The following SPTB variants were observed in gnomAD, a reference collection of about 807,000 sequenced individuals.
SPTB encodes spectrin beta, erythrocytic.
Under a neutral mutation model 256.2 loss-of-function variants are expected in SPTB, and 45 were observed. That is an observed-to-expected ratio of 0.18 (90% CI 0.14 to 0.23). The LOEUF (loss-of-function observed/expected upper bound fraction) is 0.23, where lower values mean the gene tolerates loss of function less well. Among genes scored for constraint, SPTB ranks in the 10% least tolerant of loss-of-function variants. The probability of loss-of-function intolerance (pLI) is 1.00; values close to 1 mark genes in which losing one functional copy is unlikely to be tolerated. For missense variants in SPTB, 2,715 were observed against 3,040.4 expected (o/e 0.89, Z 2.52); for synonymous variants, 1,231 against 1,243.1 (o/e 0.99, Z 0.21).
At position 64,804,791 on chromosome 14, in the gene SPTB, G is replaced by A. The variant is rs192503276; in HGVS notation, c.300+148C>T. 3.2e-4 allele frequency: 335 copies of A among 1,046,412 alleles called. 1 individual carries two copies. In the African/African-American group the frequency reaches 4.6e-3, roughly 14 times the overall value. The allele number at this position is 1,046,412 out of a possible 1,614,324, so 64.8% of individuals were successfully genotyped here. A position where few individuals can be genotyped will look rare whatever the true frequency, so the allele number is the denominator to read the frequency against. ...ATTCAGAGAGACCAGTCAGCCACAC[G>A]GATGCTTCCCATTCTAAGTATTAGA... On this transcript the variant is annotated intron_variant, in intron 3 of 35. Transcript: ENST00000644917.
rs961724944 is a variant in SPTB at position 64,827,873 on chromosome 14, G to T, written c.-51-4728C>A. Among the ~76,000 whole-genome samples the T allele has an allele frequency of 2.0e-5, 3 of 152,188 alleles. No individual in the cohort carries two copies. Among genetic ancestry groups the T allele is most frequent in the African/African-American group, 7.2e-5 (3 of 41,434 alleles). ...TGGGGCTACCAGGACAGCAGAACCA[G>T]GGAGTTTCAGTACCATGGGGTAACG... On this transcript the variant is annotated intron_variant, in intron 1 of 35. Coordinates refer to ENST00000644917, the MANE Select transcript of SPTB (RefSeq NM_001355436.2). The surrounding 1 kb of genome is among the most constrained non-coding windows in gnomAD (Gnocchi z 4.6).
intron 2 of SPTB, among the ~76,000 whole-genome samples, chr14:64,808,210 C>A (rs2083021279): frequency 6.6e-6 from 1 of 152,188 alleles, no homozygotes; most frequent in Non-Finnish European, 1.5e-5. Context: ...GACGGGGTTT[C>A]ACCATGTTGG....
rs544875952 is a variant in SPTB at position 64,753,875 on chromosome 14, G to A, written c.6346-82C>T. On this transcript the variant is annotated intron_variant, in intron 32 of 35. Transcript: ENST00000644917. ...TGTTCTCAGCAAAATTGGGAGGTCAGCAGCCACCCTCTCCACACCCCCAAG... is the reference window on the plus strand; with the variant it reads ...TGTTCTCAGCAAAATTGGGAGGTCAACAGCCACCCTCTCCACACCCCCAAG... 1,228 of 1,568,922 alleles carry A rather than the reference G, an allele frequency of 7.8e-4. 1 individual carries two copies. The highest frequency in any genetic ancestry group is 1.0e-3 in the Non-Finnish European group (1,153 of 1,155,918).
chr14:64,838,872 A>G (rs1306553347), intron 1 of SPTB, among the ~76,000 whole-genome samples: 1 of 152,144 alleles, frequency 6.6e-6, no homozygotes, highest in Non-Finnish European at 1.5e-5. Context: ...GGTGACTCAC[A>G]TCTGTAATCT....
chr14:64,869,391 TCTAA>T (rs1882385766), intron 1 of SPTB, among the ~76,000 whole-genome samples: 1 of 152,182 alleles, frequency 6.6e-6, no homozygotes, highest in Admixed American at 6.5e-5. Context: ...AGCTCCACAC[TCTAA>T]CCAACTGAGC....
Position 64,786,285 on chromosome 14 carries a change from A to C in SPTB, c.3561+119T>G. On this transcript the variant is annotated intron_variant, in intron 16 of 35. Transcript: ENST00000644917. This position sits in a 1 kb window ranked among gnomAD's most constrained non-coding sequence, Gnocchi z 5.6. Reference sequence around the variant, plus strand: ...GAAACAAAGATTTCCCCCATGAGTGAATACAGAGTACAAGACAAGAGTAAT... The same window carrying C: ...GAAACAAAGATTTCCCCCATGAGTGCATACAGAGTACAAGACAAGAGTAAT... The C allele has an allele frequency of 7.3e-7, 1 of 1,371,764 alleles. No homozygotes were observed. Among genetic ancestry groups the C allele is most frequent in the Non-Finnish European group, 1.0e-6 (1 of 971,100 alleles). 85.0% of individuals were successfully genotyped at this position (1,371,764 alleles called of 1,614,324 possible).
At chr14:64,819,670 CTCAGAACTTCCAAG>C (rs1235329378) in intron 2 of SPTB, among the ~76,000 whole-genome samples, 1 of 152,134 alleles carries the variant, frequency 6.6e-6, no homozygotes, top group African/African-American at 2.4e-5. Context: ...TTCCTTCCAA[CTCAGAACTTCCAAG>C]GCAAAGGAGG....
At chr14:64,804,368 T>G (rs2082943641) in intron 3 of SPTB, among the ~76,000 whole-genome samples, 1 of 152,224 alleles carries the variant, frequency 6.6e-6, no homozygotes, top group South Asian at 2.1e-4. Flanking sequence ...CTTCATCAGG[T>G]ACAGGTATCA....
chr14:64,769,907 C>T (rs1448780913), intron 27 of SPTB, among the ~76,000 whole-genome samples, 179 bp from the exon 28 acceptor site: 1 of 152,226 alleles, frequency 6.6e-6, no homozygotes, highest in Non-Finnish European at 1.5e-5. Flanking sequence ...CACAGATGCC[C>T]TGGTATCTTC....
intron 27 of SPTB, among the ~76,000 whole-genome samples, chr14:64,769,966 G>A (rs2139490811): frequency 6.6e-6 from 1 of 152,346 alleles, no homozygotes; most frequent in African/African-American, 2.4e-5. Flanking sequence ...AATCCCCAAA[G>A]AAGCCTGGGA....
chr14:64,846,714 T>TGA (rs2083699310), intron 1 of SPTB, among the ~76,000 whole-genome samples: 2 of 152,228 alleles, frequency 1.3e-5, no homozygotes, highest in African/African-American at 4.8e-5. Flanking sequence ...ACTGAGTATA[T>TGA]TCAGGTACTG....
In SPTB at chr14:64,790,924, G is replaced by C. The variant is rs1008484158; in HGVS notation, c.2804+795C>G. 6.6e-5 allele frequency among the ~76,000 whole-genome samples: 10 copies of C among 152,140 alleles called. No homozygotes were observed. The highest frequency in any genetic ancestry group is 6.5e-4 in the Admixed American group (10 of 15,276). On this transcript the variant is annotated intron_variant, in intron 15 of 35. Transcript: ENST00000644917. This position sits in a 1 kb window ranked among gnomAD's most constrained non-coding sequence, Gnocchi z 4.8. ...GTTCTGGCCACAAAGCTTGCTTAAG[G>C]CTCCCTGCTAATTCTCCTCTTCCTT... is the stretch of plus-strand genomic sequence containing the variant.
chr14:64,849,266 G>A (rs898672796), intron 1 of SPTB, among the ~76,000 whole-genome samples: 5 of 152,150 alleles, frequency 3.3e-5, no homozygotes, highest in African/African-American at 1.2e-4. Flanking sequence ...AAGAAACCAC[G>A]GACCTGAAAA....
At chr14:64,797,906 C>T (rs1566769115) in intron 9 of SPTB, 60 bp from the exon 10 acceptor site, 1 of 1,220,672 alleles carries the variant, frequency 8.2e-7, no homozygotes, top group East Asian at 2.3e-5. Flanking sequence ...AATTTTTTTG[C>T]TAAAGTCAAC....
intron 32 of SPTB, among the ~76,000 whole-genome samples, chr14:64,761,018 A>G (rs1243831781): frequency 6.6e-6 from 1 of 152,224 alleles, no homozygotes; most frequent in African/African-American, 2.4e-5. Flanking sequence ...TGGCTGATTG[A>G]CAGAGGCAGC....
At chr14:64,780,778 GCAAAAAGAA>G (rs1164804726) in intron 20 of SPTB, among the ~76,000 whole-genome samples, 1 of 152,186 alleles carries the variant, frequency 6.6e-6, no homozygotes, top group African/African-American at 2.4e-5. Flanking sequence ...GCAATCCTAA[GCAAAAAGAA>G]CAAAGCTGGA....
intron 15 of SPTB, among the ~76,000 whole-genome samples, chr14:64,789,122 C>T (rs1360354503): frequency 6.6e-6 from 1 of 151,780 alleles, no homozygotes; most frequent in Non-Finnish European, 1.5e-5. Flanking sequence ...AGGCTGAGGC[C>T]GGAGGATCTC....
chr14:64,867,588 T>A (rs1882262110), intron 1 of SPTB, among the ~76,000 whole-genome samples: 1 of 152,124 alleles, frequency 6.6e-6, no homozygotes, highest in Non-Finnish European at 1.5e-5. Flanking sequence ...GTGCGGAGGC[T>A]TATGCCTGTA....
At position 64,786,072 on chromosome 14, in the gene SPTB, T is replaced by C; in HGVS notation, c.3562-121A>G. On this transcript the variant is annotated intron_variant, in intron 16 of 35. Transcript: ENST00000644917. This position sits in a 1 kb window ranked among gnomAD's most constrained non-coding sequence, Gnocchi z 5.6. ...CACGGTATGAATGAGCCCCCTAGAG[T>C]AGTACAGGGAGGAGGCACTACTCCC... The C allele has an allele frequency of 4.8e-6, 5 of 1,037,900 alleles. No homozygotes were observed. The highest frequency in any genetic ancestry group is 7.4e-6 in the Non-Finnish European group (5 of 679,618). The allele number at this position is 1,037,900 out of a possible 1,614,324, so 64.3% of individuals were successfully genotyped here. A position where few individuals can be genotyped will look rare whatever the true frequency, so the allele number is the denominator to read the frequency against.
Sources: allele counts gnomAD v4.1 joint callset (sites outside exome capture counted in the v4.1 genomes callset), GRCh38; gene constraint gnomAD v4.1.1; non-coding constraint Gnocchi (gnomAD v3.1); transcripts MANE v1.5; gene names NCBI Gene and HGNC (gene_info 2026-07-23, HGNC 2026-07-21).